LIN28B: variants seen among roughly 807,000 people sequenced by gnomAD.
LIN28B encodes protein lin-28 homolog B.
Under a neutral mutation model 21.9 loss-of-function variants are expected in LIN28B, and 5 were observed. The ratio of observed to expected loss-of-function variants is 0.23; its 90% confidence interval spans 0.12 to 0.48. LIN28B has a LOEUF of 0.48. LIN28B is among the 20% of genes least tolerant of loss of function. LIN28B has a pLI of 0.98. For synonymous variants in LIN28B, 109 were observed against 111.3 expected (o/e 0.98, Z 0.13); for missense variants, 245 against 310.5 (o/e 0.79, Z 1.58).
At chr6:104,984,776 A>G (rs756750432) in intron 2 of LIN28B, among the ~76,000 whole-genome samples, 7 of 152,226 alleles carry the variant, frequency 4.6e-5, no homozygotes, top group Non-Finnish European at 1.0e-4. Flanking sequence ...CAACAAAGAC[A>G]AAGATATAGG....
chr6:104,980,311 G>A (rs1235836874), intron 2 of LIN28B, among the ~76,000 whole-genome samples: 3 of 152,180 alleles, frequency 2.0e-5, no homozygotes, highest in Non-Finnish European at 2.9e-5. Context: ...AGAGAGATGA[G>A]TTTTTATCTC....
intron 2 of LIN28B, among the ~76,000 whole-genome samples, chr6:104,974,984 T>A (rs1201571225): frequency 1.3e-5 from 2 of 152,068 alleles, no homozygotes; most frequent in Non-Finnish European, 2.9e-5. Context: ...CACACCTGGA[T>A]AATTTTTGTA....
upstream of LIN28B, chr6:104,956,903 T>G: frequency 2.9e-6 from 1 of 346,368 alleles, no homozygotes; most frequent in Non-Finnish European, 5.2e-6. Context: ...GCGTTCCAAA[T>G]TGTCTTTAAG....
chr6:104,967,730 C>T (rs901410602), intron 2 of LIN28B, among the ~76,000 whole-genome samples: 6 of 151,554 alleles, frequency 4.0e-5, no homozygotes, highest in South Asian at 2.1e-4. Flanking sequence ...CCCAGGCTGG[C>T]GTGCAGTGGT....
chr6:104,954,309 A>ACTCCTTT (rs1778257860), upstream of LIN28B, among the ~76,000 whole-genome samples: 1 of 152,204 alleles, frequency 6.6e-6, no homozygotes, highest in Non-Finnish European at 1.5e-5. Context: ...CTGTGAAAGA[A>ACTCCTTT]GCACTCTAGG....
At chr6:105,012,774 T>A (rs574533427) in intron 2 of LIN28B, among the ~76,000 whole-genome samples, 6 of 152,190 alleles carry the variant, frequency 3.9e-5, no homozygotes, top group African/African-American at 1.4e-4. Flanking sequence ...ACCCCTAATA[T>A]ACATTTGCAC....
intron 2 of LIN28B, among the ~76,000 whole-genome samples, chr6:104,937,554 C>A (rs759626053): frequency 4.6e-5 from 7 of 152,180 alleles, no homozygotes; most frequent in African/African-American, 1.7e-4. Flanking sequence ...CGTGAACCAC[C>A]GCGCCTGGCC....
chr6:105,056,286 G>C (rs1772023172), intron 3 of LIN28B, among the ~76,000 whole-genome samples: 1 of 150,058 alleles, frequency 6.7e-6, no homozygotes, highest in East Asian at 2.0e-4. Context: ...GTAGAATATT[G>C]GGCTGATAGA....
intron 3 of LIN28B, among the ~76,000 whole-genome samples, chr6:105,039,293 A>T (rs974416346): frequency 1.3e-5 from 2 of 152,304 alleles, no homozygotes; most frequent in Non-Finnish European, 1.5e-5. Context: ...AATTATGCAA[A>T]AATGTTACTT....
chr6:104,938,768 T>A (rs778715641), intron 2 of LIN28B, among the ~76,000 whole-genome samples: 28 of 152,330 alleles, frequency 1.8e-4, no homozygotes, highest in Non-Finnish European at 2.2e-4. Flanking sequence ...GCTTAGCCTA[T>A]CAATGTTCAT....
At chr6:104,993,823 G>A (rs1454341167) in intron 2 of LIN28B, among the ~76,000 whole-genome samples, 3 of 139,508 alleles carry the variant, frequency 2.2e-5, no homozygotes, top group Non-Finnish European at 4.6e-5. Context: ...ATGACAGAGC[G>A]AGATTGTCTC....
chr6:104,945,805 T>C (rs1252074185), intron 2 of LIN28B, among the ~76,000 whole-genome samples: 1 of 152,130 alleles, frequency 6.6e-6, no homozygotes, highest in Non-Finnish European at 1.5e-5. Flanking sequence ...AGAATTGTGT[T>C]TGCCAGCTGC....
intron 2 of LIN28B, among the ~76,000 whole-genome samples, chr6:105,000,243 TA>T (rs1345328069): frequency 6.6e-6 from 1 of 152,040 alleles, no homozygotes; most frequent in African/African-American, 2.4e-5. Flanking sequence ...GAGCCATGTT[TA>T]AAAAAACAGT....
chr6:105,072,733 G>A (rs1294477852), intron 3 of LIN28B, among the ~76,000 whole-genome samples: 1 of 152,006 alleles, frequency 6.6e-6, no homozygotes, highest in Non-Finnish European at 1.5e-5. Context: ...TTGTTTAACT[G>A]GCTTACAATC....
intron 2 of LIN28B, among the ~76,000 whole-genome samples, chr6:104,976,354 G>C (rs1411078044): frequency 1.3e-5 from 2 of 152,148 alleles, no homozygotes; most frequent in African/African-American, 4.8e-5. Flanking sequence ...CAGTAGATTT[G>C]TGATGAAGAA....
chr6:104,947,312 A>G (rs1778167849), intron 2 of LIN28B, among the ~76,000 whole-genome samples: 2 of 152,140 alleles, frequency 1.3e-5, no homozygotes, highest in Admixed American at 1.3e-4. Flanking sequence ...TTTAGTAGAG[A>G]TGGGCTTCAC....
At chr6:105,003,234 G>C (rs1320214275) in intron 2 of LIN28B, among the ~76,000 whole-genome samples, 1 of 152,192 alleles carries the variant, frequency 6.6e-6, no homozygotes, top group Non-Finnish European at 1.5e-5. Flanking sequence ...TTTTACGATA[G>C]AGAAAAGTAG....
intron 3 of LIN28B, among the ~76,000 whole-genome samples, chr6:105,076,358 G>A (rs1438815762): frequency 6.6e-6 from 1 of 151,952 alleles, no homozygotes; most frequent in Non-Finnish European, 1.5e-5. Context: ...TTGCTAACTG[G>A]AGAAGCAGGC....
At chr6:104,987,310 T>C (rs1349633613) in intron 2 of LIN28B, among the ~76,000 whole-genome samples, 1 of 152,232 alleles carries the variant, frequency 6.6e-6, no homozygotes, top group Non-Finnish European at 1.5e-5. Context: ...CGCCCTTGCA[T>C]CTTGCAACCT....
Sources: allele counts gnomAD v4.1 joint callset (sites outside exome capture counted in the v4.1 genomes callset), GRCh38; gene constraint gnomAD v4.1.1; transcripts MANE v1.5; gene names NCBI Gene and HGNC (gene_info 2026-07-23, HGNC 2026-07-21).